The following ARMC9 variants were observed in gnomAD, a reference collection of about 807,000 sequenced individuals.
ARMC9 encodes the protein armadillo repeat containing 9.
ARMC9 carries 94 observed loss-of-function variants against 107.0 expected under a neutral mutation model. The ratio of observed to expected loss-of-function variants is 0.88; its 90% confidence interval spans 0.74 to 1.04. The LOEUF is 1.04. ARMC9 is among the 50% of genes least tolerant of loss of function. The pLI is 0.00. For synonymous variants in ARMC9, 380 were observed against 396.9 expected (o/e 0.96, Z 0.51); for missense variants, 942 against 1,030.1 (o/e 0.91, Z 1.17).
intron 18 of ARMC9, among the ~76,000 whole-genome samples, chr2:231,292,036 C>T (rs1010206346): frequency 1.4e-5 from 2 of 147,430 alleles, no homozygotes; most frequent in Non-Finnish European, 3.0e-5. Context: ...GGCGTGGTGG[C>T]GCATGCCTGT....
chr2:231,373,705 CA>C lies in ARMC9; in HGVS notation c.*2171del, dbSNP rs1362479335. The C allele has an allele frequency of 2.0e-5, 3 of 152,102 alleles. No individual in the cohort carries two copies. The highest frequency in any genetic ancestry group is 7.2e-5 in the African/African-American group (3 of 41,408). 9.4% of individuals were successfully genotyped at this position (152,102 alleles called of 1,614,324 possible). A position where few individuals can be genotyped will look rare whatever the true frequency, so the allele number is the denominator to read the frequency against. ...CTTGAGGCCTCCAGGAGTTCGAGAC[CA>C]GCCTGGCCAACATGGCGAAACCCCG... is the stretch of plus-strand genomic sequence containing the variant. On this transcript the variant is annotated 3_prime_UTR_variant, in exon 25 of 25. Coordinates refer to ENST00000611582, the MANE Select transcript of ARMC9 (RefSeq NM_001352754.2). The surrounding 1 kb of genome is among the most constrained non-coding windows in gnomAD (Gnocchi z 4.4).
chr2:231,374,870 G>T lies in ARMC9; in HGVS notation c.*3335G>T, dbSNP rs530660534. ...GTTTTGGGGTAGCCCTTTAAATTTT[G>T]TATGCAAGGTGAATACCTCACCCCT... is the stretch of plus-strand genomic sequence containing the variant. On this transcript the variant is annotated 3_prime_UTR_variant, in exon 25 of 25. Transcript: ENST00000611582. 1.3e-5 allele frequency: 2 copies of T among 152,184 alleles called. No individual in the cohort carries two copies. The highest frequency in any genetic ancestry group is 3.9e-4 in the East Asian group (2 of 5,188). 9.4% of individuals were successfully genotyped at this position (152,184 alleles called of 1,614,324 possible). A position where few individuals can be genotyped will look rare whatever the true frequency, so the allele number is the denominator to read the frequency against.
At chr2:231,339,956 A>G (rs2044397231) in intron 20 of ARMC9, among the ~76,000 whole-genome samples, 2 of 152,176 alleles carry the variant, frequency 1.3e-5, no homozygotes, top group Admixed American at 1.3e-4. Context: ...AGCAAACACT[A>G]TATAGGGGAG....
chr2:231,240,165 G>A (rs1476809192), intron 9 of ARMC9, 124 bp downstream of exon 9: 3 of 824,786 alleles, frequency 3.6e-6, no homozygotes, highest in Non-Finnish European at 5.8e-6. Context: ...GGCTTTTGAA[G>A]TCTAGAAACT....
chr2:231,299,461 A>G (rs1255921196), intron 19 of ARMC9, among the ~76,000 whole-genome samples: 1 of 152,150 alleles, frequency 6.6e-6, no homozygotes, highest in East Asian at 1.9e-4. Context: ...TCCTCAAGAG[A>G]GAGAAGTGAG....
intron 7 of ARMC9, among the ~76,000 whole-genome samples, chr2:231,229,873 C>T (rs543383748): frequency 6.6e-6 from 1 of 151,700 alleles, no homozygotes; most frequent in South Asian, 2.1e-4. Flanking sequence ...TCTCATTTAC[C>T]CTTTAAAAAA....
At chr2:231,226,661 G>A (rs76783510) in intron 6 of ARMC9, 113 bp from the exon 7 acceptor site, 133 of 1,312,868 alleles carry the variant, frequency 1.0e-4, no homozygotes, top group Non-Finnish European at 1.4e-4. Context: ...TCCCGGCTCC[G>A]AGAATTCTGT....
intron 8 of ARMC9, among the ~76,000 whole-genome samples, chr2:231,239,069 CTA>C (rs2125369502): frequency 6.6e-6 from 1 of 152,214 alleles, no homozygotes; most frequent in Non-Finnish European, 1.5e-5. Context: ...GAAGAGGAGA[CTA>C]TTTTCAATTA....
At chr2:231,217,349 C>T (rs1296631164) in intron 5 of ARMC9, among the ~76,000 whole-genome samples, 3 of 152,050 alleles carry the variant, frequency 2.0e-5, no homozygotes, top group Admixed American at 2.0e-4. Context: ...TTTGGGAGGC[C>T]GAGGTGGGTG....
At chr2:231,279,003 G>T (rs989096189) in intron 16 of ARMC9, among the ~76,000 whole-genome samples, 1 of 152,144 alleles carries the variant, frequency 6.6e-6, no homozygotes, top group African/African-American at 2.4e-5. Flanking sequence ...TATCCAGCCT[G>T]TACACTTCGA....
At chr2:231,363,145 A>G (rs2045660866) in intron 23 of ARMC9, among the ~76,000 whole-genome samples, 1 of 152,232 alleles carries the variant, frequency 6.6e-6, no homozygotes, top group Non-Finnish European at 1.5e-5. Context: ...AGGAGTGTGC[A>G]CAGAGTGCCA....
At chr2:231,224,196 C>A (rs1219452664) in intron 6 of ARMC9, among the ~76,000 whole-genome samples, 1 of 152,228 alleles carries the variant, frequency 6.6e-6, no homozygotes, top group Non-Finnish European at 1.5e-5. Flanking sequence ...CCTGTAATCC[C>A]AGCACTTTGG....
At chr2:231,296,149 A>T in intron 18 of ARMC9, 49 bp from the exon 19 acceptor site, 1 of 1,451,210 alleles carries the variant, frequency 6.9e-7, no homozygotes, top group South Asian at 1.2e-5. Context: ...CTGTGGACCA[A>T]GGCTCCCACT....
intron 20 of ARMC9, among the ~76,000 whole-genome samples, chr2:231,337,288 ATATTTT>A (rs1338224349): frequency 3.8e-5 from 2 of 52,298 alleles, no homozygotes; most frequent in Non-Finnish European, 3.6e-5. Context: ...ATATATATAT[ATATTTT>A]TTTTTTTTTT....
At chr2:231,231,962 T>C (rs1323929843) in intron 7 of ARMC9, among the ~76,000 whole-genome samples, 2 of 152,038 alleles carry the variant, frequency 1.3e-5, no homozygotes, top group Non-Finnish European at 2.9e-5. Context: ...ATGCTGGGAT[T>C]ACAGGCGTGA....
intron 14 of ARMC9, among the ~76,000 whole-genome samples, chr2:231,276,155 C>T (rs1320286827): frequency 6.6e-6 from 1 of 152,120 alleles, no homozygotes. Flanking sequence ...TAATAAATAT[C>T]CCTGAAATGT....
rs534211540 is a variant in ARMC9, at chr2:231,287,414, G to A, written c.1627-3939G>A. Among the ~76,000 whole-genome samples, 4 of 152,308 alleles carry A rather than the reference G, an allele frequency of 2.6e-5. No individual in the cohort carries two copies. In the East Asian group the frequency reaches 7.7e-4, roughly 29 times the overall value. ...GTGAGTATTCTGTCTGTTGCCTTGGGAAATTAACAGTGTAGAGAACCTGGT... is the reference window on the plus strand; with the variant it reads ...GTGAGTATTCTGTCTGTTGCCTTGGAAAATTAACAGTGTAGAGAACCTGGT... On this transcript the variant is annotated intron_variant, in intron 17 of 24. Transcript: ENST00000611582.
At chr2:231,312,776 C>T (rs547810698) in intron 19 of ARMC9, among the ~76,000 whole-genome samples, 3 of 152,200 alleles carry the variant, frequency 2.0e-5, no homozygotes, top group Admixed American at 6.5e-5. Context: ...ATTTCAGAAA[C>T]GTTACCATTC....
chr2:231,359,199 G>GC (rs1337279395), intron 22 of ARMC9, among the ~76,000 whole-genome samples: 1 of 150,808 alleles, frequency 6.6e-6, no homozygotes, highest in Non-Finnish European at 1.5e-5. Flanking sequence ...TGATTCCCCT[G>GC]CCTCAGCCTC....
Sources: gnomAD v4.1 joint callset for allele counts (sites outside exome capture counted in the v4.1 genomes callset) on GRCh38, gnomAD v4.1.1 for gene constraint, Gnocchi (gnomAD v3.1) non-coding constraint, MANE v1.5 for transcripts, NCBI Gene and HGNC (gene_info 2026-07-23, HGNC 2026-07-21) for gene names.